Variants in CDH13 observed in about 807,000 individuals in gnomAD.
CDH13 encodes cadherin 13, also known as cadherin-13.
A neutral mutation model predicts 63.8 loss-of-function variants in CDH13; 24 were observed. That is an observed-to-expected ratio of 0.38 (90% CI 0.27 to 0.53). The LOEUF (loss-of-function observed/expected upper bound fraction) is 0.53. Ranked by LOEUF, CDH13 falls within the 20% of genes least tolerant of loss-of-function variation. The probability of loss-of-function intolerance (pLI) is 0.85; values close to 1 mark genes in which losing one functional copy is unlikely to be tolerated. For synonymous variants in CDH13, 503 were observed against 355.3 expected (o/e 1.42, Z -4.67); for missense variants, 1,049 against 903.1 (o/e 1.16, Z -2.07).
intron 3 of CDH13, among the ~76,000 whole-genome samples, chr16:83,065,386 G>A (rs1315643513): frequency 6.6e-6 from 1 of 152,128 alleles, no homozygotes; most frequent in Non-Finnish European, 1.5e-5. Context: ...CTACAAAACT[G>A]CTGCTAATTC....
intron 4 of CDH13, among the ~76,000 whole-genome samples, chr16:83,213,473 G>A (rs953682718): frequency 1.2e-4 from 19 of 152,260 alleles, no homozygotes; most frequent in Non-Finnish European, 1.6e-4. Context: ...TTTCTGAGCA[G>A]AGAAGGGTCA....
intron 3 of CDH13, among the ~76,000 whole-genome samples, chr16:83,043,170 A>T (rs551451874): frequency 6.6e-6 from 1 of 152,332 alleles, no homozygotes; most frequent in African/African-American, 2.4e-5. Flanking sequence ...ATTCATATAT[A>T]GATAAAAAGA....
intron 1 of CDH13, among the ~76,000 whole-genome samples, chr16:82,697,053 C>T (rs557178504): frequency 3.9e-5 from 6 of 152,124 alleles, no homozygotes; most frequent in Non-Finnish European, 8.8e-5. Flanking sequence ...AACCAGAACA[C>T]CAGTTATGTC....
At chr16:83,347,575 A>G (rs975957241) in intron 6 of CDH13, among the ~76,000 whole-genome samples, 1 of 152,190 alleles carries the variant, frequency 6.6e-6, no homozygotes, top group East Asian at 1.9e-4. Flanking sequence ...TATATGTACA[A>G]CATCATTTCA....
At chr16:82,695,805 T>C (rs1406342706) in intron 1 of CDH13, among the ~76,000 whole-genome samples, 2 of 152,314 alleles carry the variant, frequency 1.3e-5, no homozygotes, top group African/African-American at 4.8e-5. Flanking sequence ...GCTGAATAAC[T>C]TTTAGGTTTG....
chr16:83,772,687 C>T (rs1393250764), intron 11 of CDH13: 1 of 152,154 alleles, frequency 6.6e-6, no homozygotes, highest in East Asian at 1.9e-4. Context: ...CACACAGTAC[C>T]ACACTCCTGG....
intron 5 of CDH13, among the ~76,000 whole-genome samples, chr16:83,307,144 C>T (rs992531627): frequency 1.3e-5 from 2 of 152,152 alleles, no homozygotes; most frequent in African/African-American, 2.4e-5. Flanking sequence ...CTGCTATAAG[C>T]CATGGTGTCC....
At chr16:82,923,116 A>C (rs1396100469) in intron 2 of CDH13, among the ~76,000 whole-genome samples, 1 of 152,238 alleles carries the variant, frequency 6.6e-6, no homozygotes, top group African/African-American at 2.4e-5. Flanking sequence ...TGGCGCCAAT[A>C]GACTTGCTCA....
chr16:83,334,361 T>TCTCTCTCTCACA (rs1272779883), intron 5 of CDH13, among the ~76,000 whole-genome samples: 24 of 85,620 alleles, frequency 2.8e-4, no homozygotes, highest in South Asian at 1.5e-3. Flanking sequence ...TCTCTCTCTC[T>TCTCTCTCTCACA]CACACACACA....
At chr16:83,039,956 T>C (rs559678851) in intron 3 of CDH13, among the ~76,000 whole-genome samples, 3 of 151,916 alleles carry the variant, frequency 2.0e-5, no homozygotes, top group Non-Finnish European at 2.9e-5. Context: ...TGGCTAGGTG[T>C]TCTTTCTCCA....
At chr16:82,944,014 C>G (rs1414577830) in intron 2 of CDH13, among the ~76,000 whole-genome samples, 3 of 152,144 alleles carry the variant, frequency 2.0e-5, no homozygotes, top group Non-Finnish European at 2.9e-5. Context: ...TCAGATAGCC[C>G]TTTATCAGCT....
At chr16:83,259,095 G>A (rs1430378369) in intron 5 of CDH13, among the ~76,000 whole-genome samples, 1 of 152,226 alleles carries the variant, frequency 6.6e-6, no homozygotes, top group African/African-American at 2.4e-5. Context: ...GTGGTAGGAT[G>A]TGGGGAGAGC....
chr16:83,139,928 G>T (rs1271169587), intron 4 of CDH13, among the ~76,000 whole-genome samples: 1 of 152,112 alleles, frequency 6.6e-6, no homozygotes, highest in Non-Finnish European at 1.5e-5. Flanking sequence ...CTTGAACCCA[G>T]GAGGCAGAAG....
At chr16:83,301,025 GTTT>G (rs3052591) in intron 5 of CDH13, among the ~76,000 whole-genome samples, 14 of 78,780 alleles carry the variant, frequency 1.8e-4, no homozygotes, top group African/African-American at 4.8e-4. Context: ...ACTTTCTGGG[GTTT>G]TTTTTTTTTT....
intron 2 of CDH13, among the ~76,000 whole-genome samples, chr16:83,006,063 G>A (rs761168739): frequency 1.3e-5 from 2 of 152,160 alleles, no homozygotes; most frequent in African/African-American, 2.4e-5. Context: ...TGTCCTTAAG[G>A]TTGGTAGCTT....
intron 7 of CDH13, among the ~76,000 whole-genome samples, chr16:83,535,910 A>G (rs565923049): frequency 6.7e-6 from 1 of 149,188 alleles, no homozygotes; most frequent in South Asian, 2.2e-4. Flanking sequence ...GAAAAGGAAA[A>G]AAAGGAAAGA....
At chr16:82,962,561 A>T (rs560513489) in intron 2 of CDH13, among the ~76,000 whole-genome samples, 27 of 152,310 alleles carry the variant, frequency 1.8e-4, no homozygotes, top group Non-Finnish European at 3.7e-4. Flanking sequence ...GATGCATGCA[A>T]CTCATAAGGC....
chr16:83,753,307 G>T (rs1010239636), intron 11 of CDH13, among the ~76,000 whole-genome samples: 1 of 152,142 alleles, frequency 6.6e-6, no homozygotes, highest in African/African-American at 2.4e-5. Flanking sequence ...ACTTTGGGAG[G>T]CTGAGGTTGG....
chr16:83,540,867 T>A (rs2075285194), intron 7 of CDH13, among the ~76,000 whole-genome samples: 1 of 152,188 alleles, frequency 6.6e-6, no homozygotes. Context: ...CAACCTCAAA[T>A]GATCCGCCCG....
Sources: allele counts gnomAD v4.1 joint callset (sites outside exome capture counted in the v4.1 genomes callset), GRCh38; gene constraint gnomAD v4.1.1; transcripts MANE v1.5; gene names NCBI Gene and HGNC (gene_info 2026-07-23, HGNC 2026-07-21).